The following EYS variants were observed in gnomAD, a reference collection of about 807,000 sequenced individuals.
The protein encoded by EYS is protein eyes shut homolog.
EYS carries 250 observed loss-of-function variants against 282.1 expected under a neutral mutation model. The observed-to-expected ratio is 0.89, with a 90% CI of 0.80 to 0.98. The LOEUF is 0.98. Among genes scored for constraint, EYS ranks in the 50% least tolerant of loss-of-function variants. The probability of loss-of-function intolerance (pLI) is 0.00; values close to 1 mark genes in which losing one functional copy is unlikely to be tolerated. For missense variants in EYS, 4,016 were observed against 3,709.0 expected, an observed-to-expected ratio of 1.08 and a Z score of -2.15; for synonymous variants, 1,355 against 1,282.9, an observed-to-expected ratio of 1.06 and a Z score of -1.20.
intron 34 of EYS, among the ~76,000 whole-genome samples, chr6:63,991,228 T>C (rs530618325): frequency 1.3e-5 from 2 of 151,812 alleles, no homozygotes; most frequent in Non-Finnish European, 1.5e-5. Context: ...TCAGACTGAC[T>C]GTTAAAGGTC....
chr6:65,013,398 G>A (rs569966221), intron 13 of EYS, among the ~76,000 whole-genome samples: 7 of 152,256 alleles, frequency 4.6e-5, no homozygotes, highest in African/African-American at 7.2e-5. Context: ...TGTGCTAGAC[G>A]CGGGAGGTGG....
chr6:64,319,485 G>A (rs1003585464), intron 29 of EYS, among the ~76,000 whole-genome samples: 45 of 151,954 alleles, frequency 3.0e-4, no homozygotes, highest in African/African-American at 1.1e-3. Context: ...TAGGGCTTCT[G>A]CTCCCATGTT....
At chr6:65,488,272 T>C (rs527762793) in intron 5 of EYS, among the ~76,000 whole-genome samples, 34 of 152,296 alleles carry the variant, frequency 2.2e-4, no homozygotes, top group African/African-American at 7.7e-4. Flanking sequence ...TGTTAGGATG[T>C]CGATTTTAGA....
intron 31 of EYS, among the ~76,000 whole-genome samples, chr6:64,113,419 T>C (rs1055319823): frequency 6.6e-6 from 1 of 152,202 alleles, no homozygotes; most frequent in Non-Finnish European, 1.5e-5. Flanking sequence ...GCACATTACC[T>C]GTCTCATTAG....
chr6:65,625,718 G>A, intron 2 of EYS, among the ~76,000 whole-genome samples: 1 of 152,142 alleles, frequency 6.6e-6, no homozygotes, highest in East Asian at 1.9e-4. Context: ...TATGCAAATT[G>A]AAAACTTGCA....
At position 65,078,691 on chromosome 6, in the gene EYS, C is replaced by T. The variant is rs1365394738; in HGVS notation, c.2024-20964G>A. ...GAATCAAATTTAGGTACATTTTCCA[C>T]GGCCAGTAAAAACTAAGCATAAAGA... On this transcript the variant is annotated intron_variant, in intron 12 of 42. Transcript: ENST00000503581. Among the ~76,000 whole-genome samples the T allele has an allele frequency of 7.9e-5, 12 of 152,066 alleles. 1 individual carries two copies. In the South Asian group the frequency reaches 1.7e-3, roughly 21 times the overall value.
At chr6:65,024,678 G>A (rs991379352) in intron 13 of EYS, among the ~76,000 whole-genome samples, 3 of 152,066 alleles carry the variant, frequency 2.0e-5, no homozygotes, top group Non-Finnish European at 2.9e-5. Flanking sequence ...GAAATAATAG[G>A]TTTTGATAAA....
intron 22 of EYS, among the ~76,000 whole-genome samples, chr6:64,722,352 A>G (rs891527109): frequency 5.9e-5 from 9 of 152,170 alleles, no homozygotes; most frequent in African/African-American, 2.2e-4. Context: ...TGCTCAGCTG[A>G]TACATAGTTA....
At chr6:64,362,916 T>C (rs976900922) in intron 29 of EYS, among the ~76,000 whole-genome samples, 4 of 151,828 alleles carry the variant, frequency 2.6e-5, no homozygotes, top group African/African-American at 9.7e-5. Flanking sequence ...CATGTGAATA[T>C]CCTTGTCAAT....
At chr6:64,989,824 ACACACACACT>A (rs1381693184) in intron 14 of EYS, among the ~76,000 whole-genome samples, 1 of 148,242 alleles carries the variant, frequency 6.7e-6, no homozygotes, top group Non-Finnish European at 1.5e-5. Context: ...ACACACACAC[ACACACACACT>A]CACACACACT....
intron 7 of EYS, among the ~76,000 whole-genome samples, chr6:65,400,358 AAG>A (rs967185863): frequency 5.0e-4 from 76 of 152,070 alleles, no homozygotes; most frequent in African/African-American, 1.7e-3. Context: ...TCTATAATTT[AAG>A]AGAGTCACCA....
intron 35 of EYS, among the ~76,000 whole-genome samples, chr6:63,876,001 T>C (rs1475858789): frequency 2.0e-5 from 3 of 152,232 alleles, no homozygotes; most frequent in East Asian, 1.9e-4. Flanking sequence ...AGTTATTTCT[T>C]GCCTTCTGCT....
intron 1 of EYS, among the ~76,000 whole-genome samples, chr6:65,663,237 G>C (rs2149826976): frequency 6.6e-6 from 1 of 152,168 alleles, no homozygotes; most frequent in African/African-American, 2.4e-5. Context: ...TCTGTGTTTA[G>C]GTATCTAGAG....
At chr6:64,907,281 C>T (rs1455131882) in intron 16 of EYS, among the ~76,000 whole-genome samples, 1 of 152,020 alleles carries the variant, frequency 6.6e-6, no homozygotes, top group Non-Finnish European at 1.5e-5. Flanking sequence ...AGCTATTGGC[C>T]TCAAGCAATC....
intron 5 of EYS, among the ~76,000 whole-genome samples, chr6:65,468,771 T>A (rs1261148911): frequency 6.6e-6 from 1 of 152,038 alleles, no homozygotes; most frequent in Non-Finnish European, 1.5e-5. Flanking sequence ...AAATTTCAGT[T>A]CTGGTGATTG....
chr6:64,855,965 A>G (rs1424604147), intron 19 of EYS, among the ~76,000 whole-genome samples: 1 of 152,162 alleles, frequency 6.6e-6, no homozygotes, highest in Admixed American at 6.5e-5. Flanking sequence ...TAAATCATTG[A>G]GTAAATTTCC....
At chr6:65,327,908 A>G (rs1313510348) in intron 11 of EYS, among the ~76,000 whole-genome samples, 1 of 151,520 alleles carries the variant, frequency 6.6e-6, no homozygotes, top group Non-Finnish European at 1.5e-5. Flanking sequence ...TAGTTAAAAA[A>G]TTCTAAGAAA....
At chr6:64,148,668 A>T (rs1186621568) in intron 31 of EYS, among the ~76,000 whole-genome samples, 3 of 152,120 alleles carry the variant, frequency 2.0e-5, no homozygotes, top group Admixed American at 6.6e-5. Context: ...TTGATCTTAC[A>T]TCTTACATCT....
At chr6:65,269,182 T>C (rs146732659) in intron 12 of EYS, among the ~76,000 whole-genome samples, 276 of 152,310 alleles carry the variant, frequency 1.8e-3, no homozygotes, top group African/African-American at 6.4e-3. Context: ...TTGTCCTTCA[T>C]GTCTTTGAAC....
Sources: allele counts gnomAD v4.1 joint callset (sites outside exome capture counted in the v4.1 genomes callset), GRCh38; gene constraint gnomAD v4.1.1; transcripts MANE v1.5; gene names NCBI Gene and HGNC (gene_info 2026-07-23, HGNC 2026-07-21).